DDHD1: variants seen among roughly 807,000 people sequenced by gnomAD.
DDHD1 encodes phospholipase DDHD1.
A neutral mutation model predicts 96.4 loss-of-function variants in DDHD1; 49 were observed. The observed-to-expected ratio is 0.51, with a 90% CI of 0.40 to 0.64. DDHD1 has a LOEUF of 0.64. DDHD1 is among the 30% of genes least tolerant of loss of function. The pLI, the probability that DDHD1 is intolerant of heterozygous loss-of-function variation, is 0.00. For synonymous variants in DDHD1, 442 were observed against 446.5 expected (o/e 0.99, Z 0.13); for missense variants, 1,106 against 1,161.2 (o/e 0.95, Z 0.69).
intron 4 of DDHD1, among the ~76,000 whole-genome samples, chr14:53,081,224 CT>C (rs1423720004): frequency 1.3e-5 from 2 of 152,140 alleles, no homozygotes; most frequent in East Asian, 3.8e-4. Flanking sequence ...CTAAAAGTTC[CT>C]TTTTTACATC....
At chr14:53,095,684 T>TA (rs1886829023) in intron 2 of DDHD1, among the ~76,000 whole-genome samples, 1 of 152,018 alleles carries the variant, frequency 6.6e-6, no homozygotes, top group Admixed American at 6.6e-5. Flanking sequence ...TTTCATAAAC[T>TA]AAAAAAAATC....
At position 53,044,038 on chromosome 14, in the gene DDHD1, T is replaced by A. The variant is rs954688799; in HGVS notation, c.*2730A>T. 1 of 152,176 alleles carries A rather than the reference T, an allele frequency of 6.6e-6. No homozygotes were observed. Among genetic ancestry groups the A allele is most frequent in the African/African-American group, 2.4e-5 (1 of 41,446 alleles). 9.4% of individuals were successfully genotyped at this position (152,176 alleles called of 1,614,324 possible). On this transcript the variant is annotated 3_prime_UTR_variant, in exon 13 of 13. Transcript: ENST00000673822. ...CGATTTAGTACTTGCTGGAATAAAG[T>A]TGCAAAATGTTACTCAGTAACTGAC...
At chr14:53,083,694 G>C (rs1885688696) in intron 4 of DDHD1, among the ~76,000 whole-genome samples, 1 of 152,228 alleles carries the variant, frequency 6.6e-6, no homozygotes, top group Non-Finnish European at 1.5e-5. Context: ...TGATAAGGAT[G>C]AAGTTTTGTA....
chr14:53,145,427 T>C (rs1284751439), intron 1 of DDHD1, among the ~76,000 whole-genome samples: 2 of 139,744 alleles, frequency 1.4e-5, no homozygotes, highest in African/African-American at 2.7e-5. Flanking sequence ...TGCCTGAGCC[T>C]GGGAGGTCAA....
At chr14:53,129,993 C>G (rs1352038989) in intron 1 of DDHD1, among the ~76,000 whole-genome samples, 1 of 152,170 alleles carries the variant, frequency 6.6e-6, no homozygotes, top group Non-Finnish European at 1.5e-5. Flanking sequence ...CGTCGCAAAT[C>G]TTTCTTCTTT....
At chr14:53,134,853 A>G (rs1327619473) in intron 1 of DDHD1, among the ~76,000 whole-genome samples, 1 of 151,254 alleles carries the variant, frequency 6.6e-6, no homozygotes, top group Admixed American at 6.6e-5. Flanking sequence ...TAGTTTCTCA[A>G]TTCATACAAA....
At chr14:53,113,801 C>A (rs552898917) in intron 1 of DDHD1, among the ~76,000 whole-genome samples, 49 of 152,274 alleles carry the variant, frequency 3.2e-4, no homozygotes, top group African/African-American at 1.1e-3. Context: ...AACTGGGCAG[C>A]TGTTTGGGCA....
chr14:53,101,075 T>C lies in DDHD1; in HGVS notation c.1012+2608A>G, dbSNP rs186327660. On this transcript the variant is annotated intron_variant, in intron 2 of 12. Coordinates refer to ENST00000673822, the MANE Select transcript of DDHD1 (RefSeq NM_001160148.2). ...ATCATTCAAAATCTGACAATATGAA[T>C]AGTCAAGGCTTTATACATGAGAAAA... Among the ~76,000 whole-genome samples the C allele has an allele frequency of 2.9e-3, 442 of 152,294 alleles. 2 individuals carry two copies. Among genetic ancestry groups the C allele is most frequent in the Admixed American group, 9.8e-3 (150 of 15,290 alleles).
At chr14:53,105,630 C>T (rs1887632749) in intron 1 of DDHD1, among the ~76,000 whole-genome samples, 1 of 152,066 alleles carries the variant, frequency 6.6e-6, no homozygotes, top group Admixed American at 6.5e-5. Context: ...TTCCATTTGC[C>T]TGTAATATCA....
At position 53,153,117 on chromosome 14, in the gene DDHD1, G is replaced by C; in HGVS notation, c.-19C>G. On this transcript the variant is annotated 5_prime_UTR_variant, in exon 1 of 13. Coordinates refer to ENST00000673822, the MANE Select transcript of DDHD1 (RefSeq NM_001160148.2). ...AATTCATGCTGTGGAGACGCCGCCG[G>C]CTGTCCGGCGGCGCGCGGAGCCGTG... The C allele has an allele frequency of 7.3e-7, 1 of 1,374,300 alleles. No individual in the cohort carries two copies. The highest frequency in any genetic ancestry group is 9.3e-7 in the Non-Finnish European group (1 of 1,074,850). 85.1% of individuals were successfully genotyped at this position (1,374,300 alleles called of 1,614,324 possible).
At chr14:53,089,457 C>T (rs1886253170) in intron 4 of DDHD1, among the ~76,000 whole-genome samples, 1 of 152,128 alleles carries the variant, frequency 6.6e-6, no homozygotes. Context: ...GTACTGGTAT[C>T]AAAACAGAGA....
intron 12 of DDHD1, among the ~76,000 whole-genome samples, chr14:53,049,657 C>CAAAAAA (rs11323291): frequency 8.3e-5 from 7 of 84,712 alleles, no homozygotes; most frequent in East Asian, 3.5e-4. Context: ...TGAGCTAGGT[C>CAAAAAA]AAAAAAAAAA....
intron 4 of DDHD1, among the ~76,000 whole-genome samples, chr14:53,082,369 T>C (rs1331201141): frequency 1.3e-5 from 2 of 151,606 alleles, no homozygotes; most frequent in African/African-American, 2.4e-5. Context: ...AGAAAATATA[T>C]GTGTGACATA....
chr14:53,104,047 AG>A (rs1368027923), intron 1 of DDHD1, among the ~76,000 whole-genome samples, 191 bp from the exon 2 acceptor site: 3 of 152,200 alleles, frequency 2.0e-5, no homozygotes, highest in African/African-American at 7.2e-5. Flanking sequence ...TGCCCAGGAT[AG>A]AGTGCAGTAG....
chr14:53,052,219 T>C (rs1882647784), intron 11 of DDHD1, among the ~76,000 whole-genome samples: 1 of 147,572 alleles, frequency 6.8e-6, no homozygotes, highest in Non-Finnish European at 1.5e-5. Flanking sequence ...AACAGATCTT[T>C]GCATTATATG....
At chr14:53,058,129 G>A (rs1002398672) in intron 9 of DDHD1, among the ~76,000 whole-genome samples, 1 of 146,570 alleles carries the variant, frequency 6.8e-6, no homozygotes, top group East Asian at 2.1e-4. Context: ...TGAGCACCAC[G>A]CCCGGCTTTT....
chr14:53,048,149 T>C (rs572756360), intron 12 of DDHD1, among the ~76,000 whole-genome samples: 24 of 152,286 alleles, frequency 1.6e-4, no homozygotes, highest in African/African-American at 4.6e-4. Context: ...ACAATACCAT[T>C]TGGTAATTTA....
At chr14:53,104,736 T>C (rs1431820353) in intron 1 of DDHD1, among the ~76,000 whole-genome samples, 5 of 152,072 alleles carry the variant, frequency 3.3e-5, no homozygotes, top group African/African-American at 1.2e-4. Context: ...CTAAACTATC[T>C]TGAATTCTTT....
chr14:53,080,729 T>TCC lies in DDHD1; in HGVS notation c.1290-6883_1290-6882insGG, dbSNP rs1885398403. ...CTTTTCCTTCCCCCTTTTTTTTTTT[T>TCC]TTTTTTTTGGAGATGAGGTCTTGCT... On this transcript the variant is annotated intron_variant, in intron 4 of 12. Coordinates refer to ENST00000673822, the MANE Select transcript of DDHD1 (RefSeq NM_001160148.2). 1.3e-4 allele frequency among the ~76,000 whole-genome samples: 19 copies of TCC among 148,554 alleles called. 1 individual carries two copies. In the South Asian group the frequency reaches 4.1e-3, roughly 32 times the overall value.
Sources: gnomAD v4.1 joint callset for allele counts (sites outside exome capture counted in the v4.1 genomes callset) on GRCh38, gnomAD v4.1.1 for gene constraint, MANE v1.5 for transcripts, NCBI Gene and HGNC (gene_info 2026-07-23, HGNC 2026-07-21) for gene names.